The following TMEM131 variants were observed in gnomAD, a reference collection of about 807,000 sequenced individuals.
TMEM131 encodes 2610524E03Rik.
TMEM131 carries 66 observed loss-of-function variants against 211.6 expected under a neutral mutation model. That is an observed-to-expected ratio of 0.31 (90% CI 0.26 to 0.38). The LOEUF (loss-of-function observed/expected upper bound fraction) is 0.38, where lower values mean the gene tolerates loss of function less well. Ranked by LOEUF, TMEM131 falls within the 10% of genes least tolerant of loss-of-function variation. The pLI, the probability that TMEM131 is intolerant of heterozygous loss-of-function variation, is 1.00. For synonymous variants in TMEM131, 844 were observed against 841.3 expected (o/e 1.00, Z -0.06); for missense variants, 2,036 against 2,299.3 (o/e 0.89, Z 2.34).
intron 6 of TMEM131, among the ~76,000 whole-genome samples, chr2:97,843,885 T>A (rs1683310159): frequency 6.6e-6 from 1 of 152,200 alleles, no homozygotes; most frequent in Admixed American, 6.5e-5. Flanking sequence ...ATTTTATAAG[T>A]CAGCATGAAA....
At chr2:97,938,073 C>A (rs1449337215) in intron 1 of TMEM131, among the ~76,000 whole-genome samples, 1 of 152,236 alleles carries the variant, frequency 6.6e-6, no homozygotes, top group East Asian at 1.9e-4. Context: ...CCTGCAAAAT[C>A]ATGCCAAATT....
At chr2:97,777,840 G>A (rs1573344534) in intron 31 of TMEM131, among the ~76,000 whole-genome samples, 2 of 151,928 alleles carry the variant, frequency 1.3e-5, no homozygotes, top group African/African-American at 2.4e-5. Flanking sequence ...GCCAAACCAA[G>A]CCAAACCAAA....
chr2:97,841,974 C>G (rs1397157970), intron 6 of TMEM131, 37 bp from the exon 7 acceptor site: 1 of 1,460,612 alleles, frequency 6.8e-7, no homozygotes, highest in East Asian at 2.5e-5. Flanking sequence ...ATTTTAGTTG[C>G]TTTTATAATT....
chr2:97,982,707 T>C (rs565178740), intron 1 of TMEM131, among the ~76,000 whole-genome samples: 1 of 152,264 alleles, frequency 6.6e-6, no homozygotes, highest in East Asian at 1.9e-4. Flanking sequence ...GTGATTAAAT[T>C]AAGGATTTTG....
At chr2:97,767,878 A>T (rs940178515) in intron 33 of TMEM131, among the ~76,000 whole-genome samples, 2 of 152,170 alleles carry the variant, frequency 1.3e-5, no homozygotes, top group African/African-American at 4.8e-5. Flanking sequence ...TCTGGGTCAG[A>T]GGCAATCTGC....
intron 4 of TMEM131, among the ~76,000 whole-genome samples, chr2:97,880,118 A>G (rs1257536473): frequency 1.4e-5 from 2 of 146,876 alleles, no homozygotes; most frequent in Admixed American, 6.7e-5. Context: ...CTACTTTCCT[A>G]TATGTATGAA....
chr2:97,845,386 G>C (rs1036909149), intron 5 of TMEM131, among the ~76,000 whole-genome samples: 1 of 152,122 alleles, frequency 6.6e-6, no homozygotes, highest in African/African-American at 2.4e-5. Flanking sequence ...GGAAGCTGTA[G>C]ACACTGGTGC....
rs942019352 is a variant in TMEM131 at position 97,918,980 on chromosome 2, G to C, written c.249+8446C>G. Reference sequence around the variant, plus strand: ...TTCACGTGATGGGAAAGTGATGCTGGCTGTCAGCTGGGAGCTCAGCTGGGA... The same window carrying C: ...TTCACGTGATGGGAAAGTGATGCTGCCTGTCAGCTGGGAGCTCAGCTGGGA... On this transcript the variant is annotated intron_variant, in intron 2 of 40. Coordinates refer to ENST00000186436, the MANE Select transcript of TMEM131 (RefSeq NM_015348.2). Among the ~76,000 whole-genome samples the C allele has an allele frequency of 2.0e-5, 3 of 152,158 alleles. No individual in the cohort carries two copies. The South Asian group carries it at 6.2e-4, about 32-fold the overall frequency.
intron 31 of TMEM131, among the ~76,000 whole-genome samples, chr2:97,776,863 G>C (rs1426149667): frequency 1.3e-5 from 2 of 152,206 alleles, no homozygotes; most frequent in Non-Finnish European, 2.9e-5. Flanking sequence ...TCATCTGTAA[G>C]ATGGAGACAC....
intron 1 of TMEM131, 24 bp downstream of exon 1, chr2:97,995,452 G>T: frequency 2.2e-6 from 3 of 1,356,546 alleles, no homozygotes; most frequent in South Asian, 1.8e-5. Flanking sequence ...CCCCGCCGCA[G>T]GGACGCCGCC....
At chr2:97,989,027 G>A (rs1680150505) in intron 1 of TMEM131, among the ~76,000 whole-genome samples, 2 of 152,028 alleles carry the variant, frequency 1.3e-5, no homozygotes, top group Admixed American at 1.3e-4. Flanking sequence ...ATGGATGAAT[G>A]GATAAACAAA....
Position 97,766,510 on chromosome 2 carries a change from C to A in TMEM131, c.4541G>T (p.Gly1514Val). The A allele has an allele frequency of 6.2e-7, 1 of 1,613,974 alleles. No homozygotes were observed. The highest frequency in any genetic ancestry group is 8.5e-7 in the Non-Finnish European group (1 of 1,179,886). The change falls in exon 34 of 41, where the codon GGA becomes GTA. Residue 1514 changes from glycine to valine, a missense_variant. This residue lies in a region of TMEM131 where 1,623 missense variants were observed against 1,805.9 expected (regional missense o/e 0.90). Transcript: ENST00000186436. ...TTTCTGGGCATTTCGTGATTTGGAT[C>A]CACTTGTCATTGCAGTTGGAAGAGG... ...KIPLPTAMTSGSKSRNAQKTK... is the reference protein window; with the variant it reads ...KIPLPTAMTSVSKSRNAQKTK...
chr2:97,955,522 C>T (rs544179676), intron 1 of TMEM131, among the ~76,000 whole-genome samples: 5 of 152,116 alleles, frequency 3.3e-5, no homozygotes, highest in South Asian at 2.1e-4. Context: ...GCAAATGATA[C>T]GATCGTTTAC....
chr2:97,991,334 T>C (rs1440990271), intron 1 of TMEM131, among the ~76,000 whole-genome samples: 1 of 152,136 alleles, frequency 6.6e-6, no homozygotes, highest in African/African-American at 2.4e-5. Context: ...CATGCAGGAC[T>C]GAACAGAAAT....
rs527375044 is a variant in TMEM131, at chr2:97,892,909, T to C, written c.291-4789A>G. Among the ~76,000 whole-genome samples, 77 of 152,286 alleles carry C rather than the reference T, an allele frequency of 5.1e-4. 1 individual carries two copies. The highest frequency in any genetic ancestry group is 1.8e-3 in the African/African-American group (73 of 41,560). ...ATCATTTGTTGAAAAAGACTTTTTT[T>C]TAATATACTTTAAATTCTGGGGTAC... On this transcript the variant is annotated intron_variant, in intron 3 of 40. Coordinates refer to ENST00000186436, the MANE Select transcript of TMEM131 (RefSeq NM_015348.2).
intron 22 of TMEM131, among the ~76,000 whole-genome samples, chr2:97,803,259 G>A (rs992765065): frequency 6.6e-6 from 1 of 152,162 alleles, no homozygotes; most frequent in African/African-American, 2.4e-5. Context: ...ATTTTCAGTA[G>A]GACTAATGAG....
intron 4 of TMEM131, among the ~76,000 whole-genome samples, chr2:97,887,457 T>C (rs1675208688): frequency 6.6e-6 from 1 of 152,126 alleles, no homozygotes; most frequent in South Asian, 2.1e-4. Flanking sequence ...GTGGGGCTCT[T>C]TCTTAGGTGC....
chr2:97,805,506 C>CA, intron 20 of TMEM131, 45 bp downstream of exon 20: 1 of 1,612,358 alleles, frequency 6.2e-7, no homozygotes, highest in Non-Finnish European at 8.5e-7. Flanking sequence ...GGTCATAAAA[C>CA]AAAATGTTAA....
At chr2:97,841,752 T>A in intron 7 of TMEM131, 63 bp downstream of exon 7, 2 of 1,470,946 alleles carry the variant, frequency 1.4e-6, no homozygotes, top group Non-Finnish European at 1.8e-6. Context: ...AAACTGAGAT[T>A]TCATGCTAAG....
Sources: gnomAD v4.1 joint callset for allele counts (sites outside exome capture counted in the v4.1 genomes callset) on GRCh38, gnomAD v4.1.1 for gene constraint, gnomAD v4.1.1 regional missense constraint, MANE v1.5 for transcripts, NCBI Gene and HGNC (gene_info 2026-07-23, HGNC 2026-07-21) for gene names.